Variants in TAFA1 observed in about 807,000 individuals in gnomAD.
TAFA1 encodes chemokine-like protein TAFA-1.
TAFA1 carries 4 observed loss-of-function variants against 18.5 expected under a neutral mutation model. The observed-to-expected ratio is 0.22, with a 90% CI of 0.11 to 0.49. The LOEUF is 0.49. Ranked by LOEUF, TAFA1 falls within the 20% of genes least tolerant of loss-of-function variation. The probability of loss-of-function intolerance (pLI) is 0.98; values close to 1 mark genes in which losing one functional copy is unlikely to be tolerated. For missense variants in TAFA1, 147 were observed against 169.0 expected (o/e 0.87, Z 0.72); for synonymous variants, 56 against 55.2 (o/e 1.01, Z -0.06).
intron 2 of TAFA1, among the ~76,000 whole-genome samples, chr3:68,121,955 A>G (rs1419706770): frequency 6.6e-6 from 1 of 152,156 alleles, no homozygotes; most frequent in Non-Finnish European, 1.5e-5. Context: ...TAATAATGCC[A>G]ACTAATGTTT....
At chr3:68,470,750 A>T (rs1215195058) in intron 3 of TAFA1, among the ~76,000 whole-genome samples, 1 of 152,200 alleles carries the variant, frequency 6.6e-6, no homozygotes, top group Non-Finnish European at 1.5e-5. Flanking sequence ...TAAAAGGGAA[A>T]CAGAGCATAA....
chr3:68,290,727 T>C (rs2068090136), intron 2 of TAFA1, among the ~76,000 whole-genome samples: 1 of 152,190 alleles, frequency 6.6e-6, no homozygotes, highest in Admixed American at 6.5e-5. Context: ...TCTCCTTAAT[T>C]GATATCTGTA....
intron 2 of TAFA1, among the ~76,000 whole-genome samples, chr3:68,318,496 G>A (rs2106699365): frequency 6.6e-6 from 1 of 152,260 alleles, no homozygotes; most frequent in East Asian, 1.9e-4. Flanking sequence ...GCTGAGGAAT[G>A]GAAACCCACA....
Position 68,385,346 on chromosome 3 carries a change from A to G in TAFA1, c.119-31934A>G, listed in dbSNP as rs532590107. On this transcript the variant is annotated intron_variant, in intron 2 of 4. Transcript: ENST00000478136. Reference sequence around the variant, plus strand: ...TCCCCAGCATAAATCCTGATCAAAGACTAAAGTACTTGCTAAACCAGGTTA... The same window carrying G: ...TCCCCAGCATAAATCCTGATCAAAGGCTAAAGTACTTGCTAAACCAGGTTA... Among the ~76,000 whole-genome samples, 16 of 152,242 alleles carry G rather than the reference A, an allele frequency of 1.1e-4. No homozygotes were observed. In the South Asian group the frequency reaches 3.1e-3, roughly 30 times the overall value.
At chr3:68,060,052 A>G (rs1218723240) in intron 2 of TAFA1, among the ~76,000 whole-genome samples, 3 of 151,808 alleles carry the variant, frequency 2.0e-5, no homozygotes, top group Admixed American at 6.6e-5. Context: ...TCCATGTATA[A>G]TCAAGGCTTA....
chr3:68,001,653 G>T (rs2106760729), upstream of TAFA1, among the ~76,000 whole-genome samples: 1 of 151,270 alleles, frequency 6.6e-6, no homozygotes, highest in East Asian at 2.0e-4. Context: ...TTAAGACATA[G>T]TTGTGATTAC....
At chr3:68,333,685 A>G (rs1380586152) in intron 2 of TAFA1, among the ~76,000 whole-genome samples, 3 of 152,186 alleles carry the variant, frequency 2.0e-5, no homozygotes, top group Non-Finnish European at 2.9e-5. Flanking sequence ...TTGTATAACC[A>G]AAGGAAACGA....
chr3:68,286,999 C>T (rs954532330), intron 2 of TAFA1, among the ~76,000 whole-genome samples: 3 of 152,144 alleles, frequency 2.0e-5, no homozygotes, highest in Non-Finnish European at 4.4e-5. Flanking sequence ...AGTTGTGGGG[C>T]CCCCGCAGTC....
chr3:68,447,291 C>T (rs944529677), intron 3 of TAFA1, among the ~76,000 whole-genome samples: 1 of 152,140 alleles, frequency 6.6e-6, no homozygotes, highest in African/African-American at 2.4e-5. Flanking sequence ...AGAACTTTCT[C>T]GAGTTCATCT....
chr3:68,353,267 C>T (rs2069302812), intron 2 of TAFA1, among the ~76,000 whole-genome samples: 4 of 152,076 alleles, frequency 2.6e-5, no homozygotes, highest in Admixed American at 2.0e-4. Context: ...AACAAGGAGT[C>T]TGTAGCTTTT....
At chr3:67,995,666 AG>A in the TAFA1 span, among the ~76,000 whole-genome samples, 1 of 152,174 alleles carries the variant, frequency 6.6e-6, no homozygotes, top group Non-Finnish European at 1.5e-5. Context: ...TACTGTCAAT[AG>A]GGTGTGTTAG....
intron 2 of TAFA1, among the ~76,000 whole-genome samples, chr3:68,291,119 C>G (rs1272408027): frequency 6.6e-6 from 1 of 152,078 alleles, no homozygotes. Flanking sequence ...TAGTTCTATG[C>G]ACCTCAGTTA....
intron 2 of TAFA1, among the ~76,000 whole-genome samples, chr3:68,083,494 T>C (rs1225481815): frequency 6.6e-6 from 1 of 152,230 alleles, no homozygotes; most frequent in African/African-American, 2.4e-5. Flanking sequence ...TATTCCAAAC[T>C]TGGTTTAATT....
intron 3 of TAFA1, among the ~76,000 whole-genome samples, chr3:68,506,844 T>A (rs1385474199): frequency 1.3e-5 from 2 of 151,564 alleles, no homozygotes; most frequent in African/African-American, 4.9e-5. Context: ...TTCATTTCAT[T>A]TAAATTATTC....
intron 3 of TAFA1, among the ~76,000 whole-genome samples, chr3:68,504,363 A>C (rs539662924): frequency 1.3e-5 from 2 of 152,256 alleles, no homozygotes; most frequent in Admixed American, 1.3e-4. Context: ...TCCCAGAGCA[A>C]GCAGTATGCA....
chr3:68,474,049 ACC>A (rs3037409), intron 3 of TAFA1, among the ~76,000 whole-genome samples: 38,506 of 136,474 alleles, frequency 0.28, 5,424 homozygotes, highest in East Asian at 0.48. Flanking sequence ...AAAATGTATC[ACC>A]CCCCCCCCCA....
intron 2 of TAFA1, among the ~76,000 whole-genome samples, chr3:68,029,881 C>G (rs2106648383): frequency 6.6e-6 from 1 of 152,256 alleles, no homozygotes; most frequent in East Asian, 1.9e-4. Flanking sequence ...CTTGCCTAAG[C>G]CTCAGCTGTC....
chr3:68,312,429 C>A (rs1021431493), intron 2 of TAFA1, among the ~76,000 whole-genome samples: 2 of 152,142 alleles, frequency 1.3e-5, no homozygotes, highest in Non-Finnish European at 2.9e-5. Context: ...ACCCAAGTCA[C>A]CTCTTGAAGG....
chr3:68,179,680 G>A (rs1225223230), intron 2 of TAFA1, among the ~76,000 whole-genome samples: 1 of 152,114 alleles, frequency 6.6e-6, no homozygotes, highest in Non-Finnish European at 1.5e-5. Context: ...AGTAACATCA[G>A]CTAATCTGCC....
Sources: gnomAD v4.1 joint callset for allele counts (sites outside exome capture counted in the v4.1 genomes callset) on GRCh38, gnomAD v4.1.1 for gene constraint, MANE v1.5 for transcripts, NCBI Gene and HGNC (gene_info 2026-07-23, HGNC 2026-07-21) for gene names.